C4orf50: variants seen among roughly 807,000 people sequenced by gnomAD.
The protein encoded by C4orf50 is chromosome 4 open reading frame 50.
In C4orf50, 80 loss-of-function variants were observed where a neutral mutation model predicts 77.2. The observed-to-expected ratio is 1.04, with a 90% CI of 0.87 to 1.25. C4orf50 has a LOEUF of 1.25. Ranked by LOEUF, C4orf50 falls within the 50% of genes most tolerant of loss-of-function variation. The probability of loss-of-function intolerance (pLI) is 0.00; values close to 1 mark genes in which losing one functional copy is unlikely to be tolerated. For missense variants in C4orf50, 1,257 were observed against 1,152.9 expected (o/e 1.09, Z -1.31); for synonymous variants, 532 against 465.3 (o/e 1.14, Z -1.84).
intron 7 of C4orf50, among the ~76,000 whole-genome samples, chr4:5,913,157 C>A (rs1206750558): frequency 6.6e-6 from 1 of 152,216 alleles, no homozygotes; most frequent in Admixed American, 6.5e-5. Flanking sequence ...AGTTACTTAA[C>A]CTCTTTCTTC....
intron 7 of C4orf50, among the ~76,000 whole-genome samples, chr4:5,944,837 C>T (rs1718414561): frequency 1.3e-5 from 2 of 152,098 alleles, no homozygotes; most frequent in Admixed American, 6.6e-5. Flanking sequence ...GGAAGACTTC[C>T]CCGGGAAAGG....
chr4:5,998,578 C>T (rs1455774631), intron 25 of C4orf50, among the ~76,000 whole-genome samples: 2 of 152,186 alleles, frequency 1.3e-5, no homozygotes, highest in African/African-American at 2.4e-5. Flanking sequence ...AAGCCCCTGA[C>T]GTGGGATCGT....
rs890597014 is a variant in C4orf50 at position 5,908,713 on chromosome 4, G to A, written c.*2475-10525C>T. Among the ~76,000 whole-genome samples, 4 of 152,130 alleles carry A rather than the reference G, an allele frequency of 2.6e-5. No individual in the cohort carries two copies. Among genetic ancestry groups the A allele is most frequent in the Admixed American group, 1.3e-4 (2 of 15,278 alleles). On this transcript the variant is annotated intron_variant, in intron 7 of 7. Coordinates refer to the C4orf50 transcript ENST00000324058. This position sits in a 1 kb window ranked among gnomAD's most constrained non-coding sequence, Gnocchi z 5.6. ...TCCGATAGGAGAGACCAATACATAC[G>A]TGACTGCCCTTGACACCATTCACCT...
In C4orf50 at chr4:6,007,791, T is replaced by C. The variant is rs1340177558; in HGVS notation, c.963+205A>G. On this transcript the variant is annotated intron_variant, in intron 25 of 33. Coordinates refer to ENST00000531445, the Ensembl canonical transcript of C4orf50. This position sits in a 1 kb window ranked among gnomAD's most constrained non-coding sequence, Gnocchi z 4.1. ...TGGTGGATGGGTAATGAGGTGGGCG[T>C]GCACTGAATGAGTATGTGAGGTTAG... Among the ~76,000 whole-genome samples, 2 of 114,552 alleles carry C rather than the reference T, an allele frequency of 1.7e-5. No homozygotes were observed. Among genetic ancestry groups the C allele is most frequent in the Admixed American group, 1.2e-4 (1 of 8,140 alleles). The allele number at this position is 114,552 out of a possible 152,430, so 75.2% of individuals were successfully genotyped here. A position where few individuals can be genotyped will look rare whatever the true frequency, so the allele number is the denominator to read the frequency against.
In C4orf50 at chr4:5,966,777, G is replaced by A. The variant is rs185995530; in HGVS notation, c.4153+637C>T. 2.2e-4 allele frequency among the ~76,000 whole-genome samples: 34 copies of A among 151,794 alleles called. No individual in the cohort carries two copies. In the East Asian group the frequency reaches 6.7e-3, roughly 30 times the overall value. ...CCATTCTCCTGCCTCAGCCTCCCGAGTAGCTGGGACTACAAGCATGCGCCA... is the reference window on the plus strand; with the variant it reads ...CCATTCTCCTGCCTCAGCCTCCCGAATAGCTGGGACTACAAGCATGCGCCA... On this transcript the variant is annotated intron_variant, in intron 32 of 33. Coordinates refer to ENST00000531445, the Ensembl canonical transcript of C4orf50.
At chr4:6,003,971 GGCGATGATA>G (rs1722014754) in intron 25 of C4orf50, among the ~76,000 whole-genome samples, 1 of 143,730 alleles carries the variant, frequency 7.0e-6, no homozygotes, top group Admixed American at 7.0e-5. Context: ...ATGATGTGAT[GGCGATGATA>G]GTGATGATGG....
exon 28 of C4orf50, chr4:5,989,629 A>G (rs919566175): frequency 3.8e-5 from 59 of 1,536,004 alleles, no homozygotes; most frequent in Non-Finnish European, 5.1e-5. Flanking sequence ...GTCCTGTGCA[A>G]GCTCATCGAT....
chr4:5,980,482 GT>G, intron 28 of C4orf50, 144 bp from the exon 7 acceptor site: 1 of 704,954 alleles, frequency 1.4e-6, no homozygotes, highest in Non-Finnish European at 2.3e-6. Flanking sequence ...CTTACAGTAA[GT>G]TTTAGAAGAT....
intron 7 of C4orf50, among the ~76,000 whole-genome samples, chr4:5,935,446 C>G (rs1292850259): frequency 6.6e-6 from 1 of 152,182 alleles, no homozygotes; most frequent in Non-Finnish European, 1.5e-5. Context: ...CTCCCTTGAG[C>G]CTGTGATATA....
At chr4:5,968,887 C>T (rs955336795) in intron 31 of C4orf50, among the ~76,000 whole-genome samples, 11 of 152,102 alleles carry the variant, frequency 7.2e-5, no homozygotes, top group African/African-American at 2.2e-4. Context: ...GCCCTGCATT[C>T]GGTATGTGGT....
At chr4:5,940,564 A>C (rs891878950) in intron 7 of C4orf50, among the ~76,000 whole-genome samples, 1 of 152,188 alleles carries the variant, frequency 6.6e-6, no homozygotes, top group Non-Finnish European at 1.5e-5. Context: ...TCAGGGCCTC[A>C]AAAATGTCAT....
Position 5,990,476 on chromosome 4 carries a change from G to A in C4orf50, c.1570C>T (p.Leu524Phe), listed in dbSNP as rs557839912. The change falls in exon 28 of 34, where the codon CTC becomes TTC. Residue 524 changes from leucine (L) to phenylalanine (F), a missense_variant. Coordinates refer to ENST00000531445, the Ensembl canonical transcript of C4orf50. ...GAAATGTAGGGGGCCTCGTGGAAGA[G>A]GGAGGCACCGCGGCCTCTTGTCTGG... is the stretch of plus-strand genomic sequence containing the variant. 7 of 399,888 alleles carry A rather than the reference G, an allele frequency of 1.8e-5. No individual in the cohort carries two copies. The South Asian group carries it at 7.6e-4, about 44-fold the overall frequency. The allele number at this position is 399,888 out of a possible 1,614,324, so 24.8% of individuals were successfully genotyped here.
intron 7 of C4orf50, among the ~76,000 whole-genome samples, chr4:5,914,883 G>T (rs1277967092): frequency 6.6e-6 from 1 of 152,194 alleles, no homozygotes; most frequent in African/African-American, 2.4e-5. Flanking sequence ...TCAAAAATCA[G>T]ATGAAGGTGC....
At chr4:6,002,775 C>A (rs1025910263) in intron 25 of C4orf50, among the ~76,000 whole-genome samples, 1 of 152,200 alleles carries the variant, frequency 6.6e-6, no homozygotes, top group African/African-American at 2.4e-5. Flanking sequence ...GGGAAACTCC[C>A]AGCCCAAGAG....
Position 6,007,228 on chromosome 4 carries a change from G to A in C4orf50, c.963+768C>T, listed in dbSNP as rs887441418. ...TGGCTAGACAAGTGGGTGGGTGAGT[G>A]CTGGGGTCTGAATGGCTGTGTTCCC... On this transcript the variant is annotated intron_variant, in intron 25 of 33. Coordinates refer to ENST00000531445, the Ensembl canonical transcript of C4orf50. The surrounding 1 kb of genome is among the most constrained non-coding windows in gnomAD (Gnocchi z 4.1). Among the ~76,000 whole-genome samples, 6 of 152,172 alleles carry A rather than the reference G, an allele frequency of 3.9e-5. No individual in the cohort carries two copies. Among genetic ancestry groups the A allele is most frequent in the African/African-American group, 1.4e-4 (6 of 41,420 alleles).
At chr4:5,967,661 T>C (rs1429489155) in intron 31 of C4orf50, among the ~76,000 whole-genome samples, 199 bp from the exon 10 acceptor site, 1 of 152,230 alleles carries the variant, frequency 6.6e-6, no homozygotes, top group African/African-American at 2.4e-5. Context: ...CGGAATTGGT[T>C]TTGCTCTTAG....
Position 5,900,806 on chromosome 4 carries a change from G to A in C4orf50, c.*2475-2618C>T, listed in dbSNP as rs1056170973. 1.3e-5 allele frequency: 2 copies of A among 152,224 alleles called. No homozygotes were observed. Among genetic ancestry groups the A allele is most frequent in the African/African-American group, 4.8e-5 (2 of 41,458 alleles). The allele number at this position is 152,224 out of a possible 1,614,324, so 9.4% of individuals were successfully genotyped here. A position where few individuals can be genotyped will look rare whatever the true frequency, so the allele number is the denominator to read the frequency against. On this transcript the variant is annotated intron_variant, in intron 7 of 7. Transcript: ENST00000324058. This position sits in a 1 kb window ranked among gnomAD's most constrained non-coding sequence, Gnocchi z 4.3. ...GATGCTTACACTAGATGAAGTCTGA[G>A]GCTGTCTCCAGCTCCAACAATGGAT...
chr4:5,939,098 C>G (rs1011480106), intron 7 of C4orf50, among the ~76,000 whole-genome samples: 3 of 152,090 alleles, frequency 2.0e-5, no homozygotes, highest in African/African-American at 7.2e-5. Context: ...AAAAAATTAG[C>G]TGGGTGTTGG....
intron 23 of C4orf50, among the ~76,000 whole-genome samples, 181 bp from the exon 2 acceptor site, chr4:6,012,149 T>C (rs1239798606): frequency 6.6e-6 from 1 of 152,206 alleles, no homozygotes; most frequent in South Asian, 2.1e-4. Context: ...TCATCTATAG[T>C]ACTTCAAAGA....
Sources: gnomAD v4.1 joint callset for allele counts (sites outside exome capture counted in the v4.1 genomes callset) on GRCh38, gnomAD v4.1.1 for gene constraint, Gnocchi (gnomAD v3.1) non-coding constraint, MANE v1.5 for transcripts, NCBI Gene and HGNC (gene_info 2026-07-23, HGNC 2026-07-21) for gene names.